DLGAP2: variants seen among roughly 807,000 people sequenced by gnomAD.
The protein encoded by DLGAP2 is disks large-associated protein 2.
In DLGAP2, 26 loss-of-function variants were observed where a neutral mutation model predicts 100.3. That is an observed-to-expected ratio of 0.26 (90% CI 0.19 to 0.36). The LOEUF is 0.36. Among genes scored for constraint, DLGAP2 ranks in the 10% least tolerant of loss-of-function variants. DLGAP2 has a pLI of 1.00. For synonymous variants in DLGAP2, 886 were observed against 630.1 expected, an observed-to-expected ratio of 1.41 and a Z score of -6.08; for missense variants, 1,858 against 1,453.2, an observed-to-expected ratio of 1.28 and a Z score of -4.53.
At chr8:880,721 T>C (rs565604856) in intron 1 of DLGAP2, among the ~76,000 whole-genome samples, 2 of 152,378 alleles carry the variant, frequency 1.3e-5, no homozygotes, top group South Asian at 2.1e-4. Flanking sequence ...GACTGCGACA[T>C]GGTATCTGTG....
chr8:1,307,476 T>C (rs916259156), intron 3 of DLGAP2, among the ~76,000 whole-genome samples: 1 of 152,100 alleles, frequency 6.6e-6, no homozygotes, highest in Non-Finnish European at 1.5e-5. Context: ...CTTCAAAAAA[T>C]AAACATGGAA....
intron 3 of DLGAP2, among the ~76,000 whole-genome samples, chr8:1,275,806 A>G (rs1204043361): frequency 1.7e-5 from 2 of 117,544 alleles, no homozygotes; most frequent in South Asian, 2.3e-4. Context: ...AAATAAATAT[A>G]TAAGATATAT....
At chr8:1,115,074 C>T (rs1210413077) in intron 2 of DLGAP2, among the ~76,000 whole-genome samples, 1 of 152,280 alleles carries the variant, frequency 6.6e-6, no homozygotes, top group East Asian at 1.9e-4. Flanking sequence ...GGCATGGTTT[C>T]AGTTCTTTAG....
At chr8:738,112 C>T (rs1820367633) in intron 1 of DLGAP2, 1 of 223,422 alleles carries the variant, frequency 4.5e-6, no homozygotes, top group Non-Finnish European at 8.7e-6. Context: ...CGCACGGGGC[C>T]GCGGAGGTGT....
At chr8:1,106,514 A>G (rs1804776267) in intron 2 of DLGAP2, among the ~76,000 whole-genome samples, 1 of 149,828 alleles carries the variant, frequency 6.7e-6, no homozygotes, top group Non-Finnish European at 1.5e-5. Flanking sequence ...GAAGGAGGCC[A>G]TTCTAGGAGG....
chr8:1,297,948 G>A (rs71512894), intron 3 of DLGAP2, among the ~76,000 whole-genome samples: 1 of 44,884 alleles, frequency 2.2e-5, no homozygotes, highest in East Asian at 7.5e-4. Flanking sequence ...CGTGGCAGGC[G>A]TGAACAGACA....
At chr8:1,607,111 G>C (rs1796826379) in intron 6 of DLGAP2, among the ~76,000 whole-genome samples, 1 of 152,212 alleles carries the variant, frequency 6.6e-6, no homozygotes. Context: ...GTTTTTCAAA[G>C]TGGCTGTACT....
chr8:1,322,452 G>A (rs547014434), intron 3 of DLGAP2, among the ~76,000 whole-genome samples: 40 of 150,468 alleles, frequency 2.7e-4, no homozygotes, highest in African/African-American at 9.3e-4. Flanking sequence ...GTGTGGATCC[G>A]TGGAAATGCG....
chr8:1,654,219 T>C (rs1217146044), intron 8 of DLGAP2, among the ~76,000 whole-genome samples: 1 of 152,234 alleles, frequency 6.6e-6, no homozygotes, highest in Non-Finnish European at 1.5e-5. Context: ...ACTGTGAAGA[T>C]GTGTAACAAA....
intron 2 of DLGAP2, among the ~76,000 whole-genome samples, chr8:1,121,386 G>C (rs1011122367): frequency 1.3e-5 from 2 of 150,482 alleles, no homozygotes; most frequent in African/African-American, 4.9e-5. Flanking sequence ...TATCCCTTTA[G>C]AAACCCTGAC....
chr8:1,010,269 C>T (rs1354739274), intron 2 of DLGAP2, among the ~76,000 whole-genome samples: 2 of 144,324 alleles, frequency 1.4e-5, no homozygotes, highest in East Asian at 3.9e-4. Flanking sequence ...CACATGCACA[C>T]ACACATTCTC....
chr8:1,031,317 G>A (rs967598734), intron 2 of DLGAP2, among the ~76,000 whole-genome samples: 1 of 152,166 alleles, frequency 6.6e-6, no homozygotes. Context: ...GATGGCTCCA[G>A]GTCTTGTGCT....
At chr8:1,649,279 TTTG>T (rs1414664977) in intron 8 of DLGAP2, among the ~76,000 whole-genome samples, 43 of 35,198 alleles carry the variant, frequency 1.2e-3, no homozygotes, top group African/African-American at 6.4e-3. Flanking sequence ...CTAAATTCTT[TTTG>T]CTTCTTCAAA....
intron 1 of DLGAP2, among the ~76,000 whole-genome samples, chr8:817,119 C>T (rs896565369): frequency 2.9e-4 from 40 of 137,808 alleles, no homozygotes; most frequent in East Asian, 1.7e-3. Context: ...CCAGCCTGGG[C>T]GACACAGCGA....
At chr8:1,594,585 A>T (rs1346252969) in intron 6 of DLGAP2, among the ~76,000 whole-genome samples, 2 of 152,086 alleles carry the variant, frequency 1.3e-5, no homozygotes, top group Non-Finnish European at 2.9e-5. Flanking sequence ...GAAAGCTTAC[A>T]GAACTTACGG....
At chr8:1,274,888 C>T (rs954425486) in intron 3 of DLGAP2, among the ~76,000 whole-genome samples, 1 of 151,998 alleles carries the variant, frequency 6.6e-6, no homozygotes, top group African/African-American at 2.4e-5. Flanking sequence ...GTAGCAATTA[C>T]TTTATGAATA....
At chr8:1,266,333 C>G (rs887849952) in intron 3 of DLGAP2, among the ~76,000 whole-genome samples, 1 of 152,226 alleles carries the variant, frequency 6.6e-6, no homozygotes, top group Non-Finnish European at 1.5e-5. Context: ...CTTCTGGTTT[C>G]CAGATGAGCG....
chr8:1,576,020 C>A (rs962229050), intron 6 of DLGAP2, among the ~76,000 whole-genome samples: 2 of 152,138 alleles, frequency 1.3e-5, no homozygotes, highest in Non-Finnish European at 2.9e-5. Flanking sequence ...ATTTCTAGTT[C>A]TAGATCCTTG....
intron 2 of DLGAP2, among the ~76,000 whole-genome samples, chr8:1,235,018 G>A (rs368029048): frequency 1.8e-5 from 2 of 110,870 alleles, no homozygotes; most frequent in Admixed American, 9.4e-5. Flanking sequence ...ACATAGCGTT[G>A]TGTCTAATTC....
Sources: allele counts gnomAD v4.1 joint callset (sites outside exome capture counted in the v4.1 genomes callset), GRCh38; gene constraint gnomAD v4.1.1; transcripts MANE v1.5; gene names NCBI Gene and HGNC (gene_info 2026-07-23, HGNC 2026-07-21).